ACTR1A: variants seen among roughly 807,000 people sequenced by gnomAD.
The protein encoded by ACTR1A is alpha-centractin.
A neutral mutation model predicts 50.7 loss-of-function variants in ACTR1A; 10 were observed. The ratio of observed to expected loss-of-function variants is 0.20; its 90% CI spans 0.12 to 0.33. The LOEUF (loss-of-function observed/expected upper bound fraction) is 0.33, where lower values mean the gene tolerates loss of function less well. Among genes scored for constraint, ACTR1A ranks in the 10% least tolerant of loss-of-function variants. ACTR1A has a pLI of 1.00. For synonymous variants in ACTR1A, 177 were observed against 184.2 expected, an observed-to-expected ratio of 0.96 and a Z score of 0.32; for missense variants, 253 against 491.7, an observed-to-expected ratio of 0.51 and a Z score of 4.59.
Position 102,502,518 on chromosome 10 carries a change from C to T in ACTR1A, c.48+82G>A, listed in dbSNP as rs552166438. 6 of 1,488,494 alleles carry T rather than the reference C, an allele frequency of 4.0e-6. No individual in the cohort carries two copies. In the Admixed American group the frequency reaches 1.0e-4, roughly 25 times the overall value. 92.2% of individuals were successfully genotyped at this position (1,488,494 alleles called of 1,614,324 possible). A position where few individuals can be genotyped will look rare whatever the true frequency, so the allele number is the denominator to read the frequency against. ...GGCCGGGCCAGTGACAAAGAGCCGG[C>T]GGCTCAGGCTGAACCCCGGGAAGCG... On this transcript the variant is annotated intron_variant, in intron 1 of 10. Coordinates refer to ENST00000369905, the MANE Select transcript of ACTR1A (RefSeq NM_005736.4).
rs2062264679 is a variant in ACTR1A, at chr10:102,502,654, G to A, written c.-7C>T. 6.2e-7 allele frequency: 1 copy of A among 1,614,198 alleles called. No homozygotes were observed. The highest frequency in any genetic ancestry group is 8.5e-7 in the Non-Finnish European group (1 of 1,180,002). On this transcript the variant is annotated 5_prime_UTR_variant, in exon 1 of 11. Transcript: ENST00000369905. The stretch of plus-strand genomic sequence containing the variant: ...TCACATCGTAGGACTCCATGGCAGA[G>A]GAATCTCTCCTTCTGGGGAAGGAAC...
chr10:102,501,887 C>T (rs1280016242), intron 1 of ACTR1A, among the ~76,000 whole-genome samples: 2 of 152,232 alleles, frequency 1.3e-5, no homozygotes, highest in Non-Finnish European at 2.9e-5. Flanking sequence ...AACCTCTCTG[C>T]TTCCTTTGTC....
In ACTR1A at chr10:102,502,097, C is replaced by T. The variant is rs185604223; in HGVS notation, c.48+503G>A. Among the ~76,000 whole-genome samples the T allele has an allele frequency of 3.9e-5, 6 of 152,368 alleles. No homozygotes were observed. The East Asian group carries it at 1.2e-3, about 29-fold the overall frequency. Reference sequence around the variant, plus strand: ...GCACTCGCCTCTAGGCCCCACCACCCAGAGTCCCGGAAGCCAATCCCCACA... The same window carrying T: ...GCACTCGCCTCTAGGCCCCACCACCTAGAGTCCCGGAAGCCAATCCCCACA... On this transcript the variant is annotated intron_variant, in intron 1 of 10. Coordinates refer to ENST00000369905, the MANE Select transcript of ACTR1A (RefSeq NM_005736.4).
chr10:102,483,291 C>T, intron 6 of ACTR1A, 188 bp from the exon 7 acceptor site: 1 of 587,988 alleles, frequency 1.7e-6, no homozygotes, highest in Non-Finnish European at 3.1e-6. Context: ...TGGCATTTAG[C>T]ATATGAGTTC....
rs1258918943 is a variant in ACTR1A at position 102,488,797 on chromosome 10, G to A, written c.189+266C>T. 6.6e-6 allele frequency among the ~76,000 whole-genome samples: 1 copy of A among 152,168 alleles called. No homozygotes were observed. Among genetic ancestry groups the A allele is most frequent in the African/African-American group, 2.4e-5 (1 of 41,442 alleles). ...TTGATCACTGACAAGGCAGTGACAGGATGCAGAAGACAACAGCCCTGTTTC... is the reference window on the plus strand; with the variant it reads ...TTGATCACTGACAAGGCAGTGACAGAATGCAGAAGACAACAGCCCTGTTTC... On this transcript the variant is annotated intron_variant, in intron 3 of 10. Coordinates refer to ENST00000369905, the MANE Select transcript of ACTR1A (RefSeq NM_005736.4). This position sits in a 1 kb window ranked among gnomAD's most constrained non-coding sequence, Gnocchi z 4.4.
In ACTR1A at chr10:102,482,109, C is replaced by T; in HGVS notation, c.817G>A (p.Glu273Lys). 6.2e-7 allele frequency: 1 copy of T among 1,614,146 alleles called. No individual in the cohort carries two copies. The highest frequency in any genetic ancestry group is 8.5e-7 in the Non-Finnish European group (1 of 1,180,026). Residue 273 changes from glutamate to lysine, a missense_variant, in exon 8 of 11, where the codon GAA becomes AAA. Coordinates refer to ENST00000369905, the MANE Select transcript of ACTR1A (RefSeq NM_005736.4). The surrounding 1 kb of genome is among the most constrained non-coding windows in gnomAD (Gnocchi z 5.6). ...AACACCAGGACCTCGTGGATGCCTT[C>T]ACTCTCCTCTCCAATCAAATCTGGC... ...FRPDLIGEES[E>K]GIHEVLVFAI...
chr10:102,482,076 G>A lies in ACTR1A; in HGVS notation c.850C>T (p.Gln284Ter). 1 of 1,614,188 alleles carries A rather than the reference G, an allele frequency of 6.2e-7. No homozygotes were observed. Among genetic ancestry groups the A allele is most frequent in the Non-Finnish European group, 8.5e-7 (1 of 1,180,038 alleles). The change falls in exon 8 of 11, where the codon CAG (glutamine) becomes TAG (stop). Residue 284 changes from glutamine (Q) to a stop codon, truncating the protein, a stop_gained. Coordinates refer to ENST00000369905, the MANE Select transcript of ACTR1A (RefSeq NM_005736.4). LOFTEE classifies it high-confidence loss of function. This position sits in a 1 kb window ranked among gnomAD's most constrained non-coding sequence, Gnocchi z 5.6. Reference sequence around the variant, plus strand: ...CGCCGCAGGTCCATGTCTGACTTCTGAATGGCGAACACCAGGACCTCGTGG... The same window carrying A: ...CGCCGCAGGTCCATGTCTGACTTCTAAATGGCGAACACCAGGACCTCGTGG... ...GIHEVLVFAI[Q>*]KSDMDLRRTL...
At chr10:102,492,644 G>C (rs189977646) in intron 1 of ACTR1A, among the ~76,000 whole-genome samples, 24 of 152,280 alleles carry the variant, frequency 1.6e-4, no homozygotes, top group Middle Eastern at 3.4e-3. Flanking sequence ...TGCAGGAAGA[G>C]GGGGAGTGAG....
intron 4 of ACTR1A, among the ~76,000 whole-genome samples, chr10:102,486,016 TA>T (rs2062166592): frequency 1.3e-5 from 2 of 152,194 alleles, no homozygotes; most frequent in African/African-American, 2.4e-5. Context: ...GTCTACTGTG[TA>T]TCTCCAACTG....
In ACTR1A at chr10:102,484,355, T is replaced by C. The variant is rs2062157017; in HGVS notation, c.462A>G (p.Thr154=). The change falls in exon 6 of 11, where the codon ACA becomes ACG. Residue 154 remains threonine (T), a synonymous_variant. Transcript: ENST00000369905. ...VLSLYATGRT[T]GVVLDSGDGV... ...CATCCCCAGAATCCAGCACCACCCCTGTGGTCCTGCCTGTAGCGTAACTGA... is the reference window on the plus strand; with the variant it reads ...CATCCCCAGAATCCAGCACCACCCCCGTGGTCCTGCCTGTAGCGTAACTGA... 1 of 1,613,714 alleles carries C rather than the reference T, an allele frequency of 6.2e-7. No homozygotes were observed. Among genetic ancestry groups the C allele is most frequent in the Middle Eastern group, 1.7e-4 (1 of 6,060 alleles).
At chr10:102,493,022 A>AAAAAAAAAAAAAAAAAAAAAAG in intron 1 of ACTR1A, among the ~76,000 whole-genome samples, 1 of 150,788 alleles carries the variant, frequency 6.6e-6, no homozygotes, top group African/African-American at 2.4e-5. Context: ...AAAAAAAAAA[A>AAAAAAAAAAAAAAAAAAAAAAG]AAGAAGTGGT....
rs575533273 is a variant in ACTR1A at position 102,482,965 on chromosome 10, CT to C, written c.750+45del. On this transcript the variant is annotated intron_variant, in intron 7 of 10. Transcript: ENST00000369905. This position sits in a 1 kb window ranked among gnomAD's most constrained non-coding sequence, Gnocchi z 5.6. ...TGGAGAATTCTGGTTGGGCCCAGAG[CT>C]TTTGTGGACCTAAGGGGACCGAAGA... 2.9e-3 allele frequency: 4,335 copies of C among 1,499,174 alleles called. 15 individuals carry two copies. The highest frequency in any genetic ancestry group is 3.6e-3 in the Non-Finnish European group (3,883 of 1,075,954). 92.9% of individuals were successfully genotyped at this position (1,499,174 alleles called of 1,614,324 possible).
chr10:102,490,219 C>T (rs936749729), intron 2 of ACTR1A, among the ~76,000 whole-genome samples: 1 of 125,622 alleles, frequency 8.0e-6, no homozygotes, highest in East Asian at 2.4e-4. Flanking sequence ...GGCAACACAG[C>T]GAGACTCCGT....
chr10:102,483,018 G>C lies in ACTR1A; in HGVS notation c.743C>G (p.Thr248Ser). ...AGAAGGCAGGCCACCTACCTCAATG[G>C]TGCTGCCATCAGGCAGGTAGTACTG... is the stretch of plus-strand genomic sequence containing the variant. ...KAQYYLPDGS[T>S]IEIGPSRFRA... The change falls in exon 7 of 11, where the codon ACC becomes AGC. Residue 248 changes from threonine (T) to serine (S), a missense_variant. This residue lies in a region of ACTR1A where 116 missense variants were observed against 155.9 expected (regional missense o/e 0.74). Coordinates refer to ENST00000369905, the MANE Select transcript of ACTR1A (RefSeq NM_005736.4). The C allele has an allele frequency of 6.2e-7, 1 of 1,613,684 alleles. No individual in the cohort carries two copies. The highest frequency in any genetic ancestry group is 8.5e-7 in the Non-Finnish European group (1 of 1,179,598).
intron 1 of ACTR1A, among the ~76,000 whole-genome samples, chr10:102,498,823 A>G (rs1489253254): frequency 6.6e-6 from 1 of 152,150 alleles, no homozygotes; most frequent in African/African-American, 2.4e-5. Flanking sequence ...ATTCTGATCA[A>G]AGTGTAGTCC....
Position 102,484,280 on chromosome 10 carries a change from G to A in ACTR1A, c.537C>T (p.Ser179=). The A allele has an allele frequency of 6.2e-7, 1 of 1,614,210 alleles. No homozygotes were observed. Among genetic ancestry groups the A allele is most frequent in the South Asian group, 1.1e-5 (1 of 91,080 alleles). ...PIYEGFAMPH[S]IMRIDIAGRD... is the part of the protein sequence containing the mutation. Reference sequence around the variant, plus strand: ...GGCCCGCGATGTCGATGCGCATGATGGAGTGGGGCATGGCAAAGCCCTCAT... The same window carrying A: ...GGCCCGCGATGTCGATGCGCATGATAGAGTGGGGCATGGCAAAGCCCTCAT... Residue 179 remains serine, a synonymous_variant, in exon 6 of 11, where the codon TCC becomes TCT. Transcript: ENST00000369905.
rs765574992 is a variant in ACTR1A at position 102,502,606 on chromosome 10, G to A, written c.42C>T (p.Ile14=). Residue 14 remains isoleucine, a synonymous_variant, in exon 1 of 11, where the codon ATC becomes ATT. Coordinates refer to ENST00000369905, the MANE Select transcript of ACTR1A (RefSeq NM_005736.4). Reference sequence around the variant, plus strand: ...TAGGAAAGACGCAACTCACGTTGTCGATCACGACAGGCTGGTTGGCGATCA... The same window carrying A: ...TAGGAAAGACGCAACTCACGTTGTCAATCACGACAGGCTGGTTGGCGATCA... ...YDVIANQPVV[I]DNGSGVIKAG... 6.2e-7 allele frequency: 1 copy of A among 1,614,200 alleles called. No individual in the cohort carries two copies. The highest frequency in any genetic ancestry group is 1.1e-5 in the South Asian group (1 of 91,082).
chr10:102,484,895 A>T (rs1311581760), intron 5 of ACTR1A, among the ~76,000 whole-genome samples: 1 of 152,164 alleles, frequency 6.6e-6, no homozygotes, highest in African/African-American at 2.4e-5. Context: ...AGGCCAACAG[A>T]GCATGGACAG....
chr10:102,482,844 C>T lies in ACTR1A; in HGVS notation c.750+167G>A. 1 of 643,102 alleles carries T rather than the reference C, an allele frequency of 1.6e-6. No individual in the cohort carries two copies. The highest frequency in any genetic ancestry group is 2.6e-5 in the Admixed American group (1 of 39,072). 39.8% of individuals were successfully genotyped at this position (643,102 alleles called of 1,614,324 possible). ...GAAAGTTTACGACTTTGTGTTGGGC[C>T]TTACTGAAAGCCATCCTGGGCCACG... On this transcript the variant is annotated intron_variant, in intron 7 of 10. Transcript: ENST00000369905. This position sits in a 1 kb window ranked among gnomAD's most constrained non-coding sequence, Gnocchi z 5.6.
Sources: gnomAD v4.1 joint callset for allele counts (sites outside exome capture counted in the v4.1 genomes callset) on GRCh38, gnomAD v4.1.1 for gene constraint, gnomAD v4.1.1 regional missense constraint, Gnocchi (gnomAD v3.1) non-coding constraint, MANE v1.5 for transcripts, NCBI Gene and HGNC (gene_info 2026-07-23, HGNC 2026-07-21) for gene names.